Variants in DOK6 observed in about 807,000 individuals in gnomAD.
DOK6 encodes docking protein 6, also known as downstream of tyrosine kinase 6.
In DOK6, 22 loss-of-function variants were observed where a neutral mutation model predicts 44.0. That is an observed-to-expected ratio of 0.50 (90% CI 0.36 to 0.71). The LOEUF (loss-of-function observed/expected upper bound fraction) is 0.71, where lower values mean the gene tolerates loss of function less well. Ranked by LOEUF, DOK6 falls within the 30% of genes least tolerant of loss-of-function variation. The pLI is 0.00. For missense variants in DOK6, 340 were observed against 416.4 expected (o/e 0.82, Z 1.60); for synonymous variants, 166 against 145.5 (o/e 1.14, Z -1.01).
chr18:69,708,018 C>T (rs913814879), intron 5 of DOK6, among the ~76,000 whole-genome samples: 3 of 152,060 alleles, frequency 2.0e-5, no homozygotes, highest in Admixed American at 6.5e-5. Context: ...TCCTTCTTAG[C>T]GGATTTTAGC....
chr18:69,599,560 A>G (rs1983825806), intron 3 of DOK6, 62 bp downstream of exon 3: 7 of 1,327,328 alleles, frequency 5.3e-6, no homozygotes, highest in Non-Finnish European at 7.5e-6. Context: ...ACAATGGCCC[A>G]GGCGGATTAA....
At chr18:69,557,518 G>C (rs961190650) in intron 1 of DOK6, among the ~76,000 whole-genome samples, 1 of 152,130 alleles carries the variant, frequency 6.6e-6, no homozygotes, top group Non-Finnish European at 1.5e-5. Flanking sequence ...GCGGTAAAAT[G>C]GTTTTCATCA....
intron 4 of DOK6, among the ~76,000 whole-genome samples, chr18:69,680,776 A>G (rs1986026737): frequency 6.6e-6 from 1 of 152,176 alleles, no homozygotes; most frequent in Admixed American, 6.5e-5. Context: ...AAGATATCTC[A>G]TCCGTCAACT....
intron 3 of DOK6, among the ~76,000 whole-genome samples, chr18:69,648,710 G>A (rs374621954): frequency 3.3e-5 from 5 of 152,282 alleles, no homozygotes; most frequent in East Asian, 3.9e-4. Context: ...CTTTGGCTAC[G>A]TGCCAATGCA....
At chr18:69,488,649 C>T (rs929555019) in intron 1 of DOK6, among the ~76,000 whole-genome samples, 3 of 152,164 alleles carry the variant, frequency 2.0e-5, no homozygotes, top group Non-Finnish European at 4.4e-5. Flanking sequence ...TGCAGGGGAA[C>T]TGCCCTTTAT....
chr18:69,741,633 A>T (rs1385029095), intron 6 of DOK6, among the ~76,000 whole-genome samples: 1 of 152,114 alleles, frequency 6.6e-6, no homozygotes, highest in South Asian at 2.1e-4. Context: ...ACTAGCTGGT[A>T]CTACAGGCCT....
At chr18:69,667,099 A>T (rs1039753804) in intron 3 of DOK6, among the ~76,000 whole-genome samples, 1 of 152,086 alleles carries the variant, frequency 6.6e-6, no homozygotes, top group Non-Finnish European at 1.5e-5. Flanking sequence ...ATCTCTGTCC[A>T]TGTCAGCTAC....
At chr18:69,832,635 A>T (rs1981934208) in intron 7 of DOK6, 2 of 152,250 alleles carry the variant, frequency 1.3e-5, no homozygotes, top group Middle Eastern at 3.4e-3. Flanking sequence ...CAGTGATTCC[A>T]CTAGGTCCTG....
intron 7 of DOK6, among the ~76,000 whole-genome samples, chr18:69,830,605 C>G (rs1981874784): frequency 6.6e-6 from 1 of 152,116 alleles, no homozygotes; most frequent in African/African-American, 2.4e-5. Context: ...CTGAAGCTAC[C>G]CAGTCTGTGG....
At chr18:69,614,665 G>C (rs1461448680) in intron 3 of DOK6, among the ~76,000 whole-genome samples, 1 of 151,552 alleles carries the variant, frequency 6.6e-6, no homozygotes, top group African/African-American at 2.4e-5. Flanking sequence ...ACTGTAAATA[G>C]AAATTAATTT....
intron 1 of DOK6, among the ~76,000 whole-genome samples, chr18:69,441,298 G>A (rs12457284): frequency 0.5 from 75,373 of 151,772 alleles, 19,642 homozygotes; most frequent in East Asian, 0.72. Flanking sequence ...TTCAATAGTT[G>A]TTTGTTTCTT....
In DOK6 at chr18:69,512,323, T is replaced by TTTCTTC. The variant is rs1199481998; in HGVS notation, c.67-52158_67-52153dup. Among the ~76,000 whole-genome samples the TTTCTTC allele has an allele frequency of 5.4e-3, 694 of 128,560 alleles. 12 individuals are homozygous for TTTCTTC. Among genetic ancestry groups the TTTCTTC allele is most frequent in the African/African-American group, 0.019 (623 of 33,580 alleles). The allele number at this position is 128,560 out of a possible 152,430, so 84.3% of individuals were successfully genotyped here. On this transcript the variant is annotated intron_variant, in intron 1 of 7. Transcript: ENST00000382713. ...GTCAAGCCAACCCCTTCGTCTTTGCTTTCTTCTTCTTTTTTTTTTTTTTTT... is the reference window on the plus strand; with the variant it reads ...GTCAAGCCAACCCCTTCGTCTTTGCTTTCTTCTTCTTCTTCTTTTTTTTTTTTTTTT...
chr18:69,562,251 G>A (rs1040696048), intron 1 of DOK6, among the ~76,000 whole-genome samples: 1 of 152,030 alleles, frequency 6.6e-6, no homozygotes, highest in Non-Finnish European at 1.5e-5. Context: ...CAGAAATTAT[G>A]GTTTGTGTCA....
rs1197861562 is a variant in DOK6 at position 69,788,449 on chromosome 18, G to T, written c.856+30576G>T. ...CTTTGTAATGAGAAGAAATTAGAGG[G>T]TTCTGTTCCATTTTTATTATGCAGA... is the stretch of plus-strand genomic sequence containing the variant. On this transcript the variant is annotated intron_variant, in intron 7 of 7. Coordinates refer to ENST00000382713, the MANE Select transcript of DOK6 (RefSeq NM_152721.6). Among the ~76,000 whole-genome samples, 3 of 152,264 alleles carry T rather than the reference G, an allele frequency of 2.0e-5. No individual in the cohort carries two copies. The East Asian group carries it at 5.8e-4, about 29-fold the overall frequency.
chr18:69,728,559 G>C (rs1978323594), intron 5 of DOK6, among the ~76,000 whole-genome samples: 1 of 151,918 alleles, frequency 6.6e-6, no homozygotes, highest in Non-Finnish European at 1.5e-5. Flanking sequence ...GCAAATCAAA[G>C]TCCTTGGTAG....
At chr18:69,787,534 T>A (rs1318589236) in intron 7 of DOK6, among the ~76,000 whole-genome samples, 2 of 152,202 alleles carry the variant, frequency 1.3e-5, no homozygotes, top group Non-Finnish European at 2.9e-5. Context: ...GGTCACAGTC[T>A]TGTGCTGCCT....
At chr18:69,480,957 C>T (rs903694585) in intron 1 of DOK6, among the ~76,000 whole-genome samples, 2 of 152,150 alleles carry the variant, frequency 1.3e-5, no homozygotes, top group South Asian at 4.2e-4. Flanking sequence ...CCAGAGAAGC[C>T]CAATATATCT....
chr18:69,839,454 C>T (rs994073915), intron 7 of DOK6, among the ~76,000 whole-genome samples: 4 of 152,068 alleles, frequency 2.6e-5, no homozygotes, highest in African/African-American at 9.7e-5. Context: ...CCTCTCCTAG[C>T]TTCTTTGGTA....
intron 7 of DOK6, among the ~76,000 whole-genome samples, chr18:69,820,101 T>C (rs1162560341): frequency 2.0e-5 from 3 of 152,210 alleles, no homozygotes; most frequent in East Asian, 1.9e-4. Context: ...TTTGTGTATA[T>C]AGACATATAG....
Sources: allele counts gnomAD v4.1 joint callset (sites outside exome capture counted in the v4.1 genomes callset), GRCh38; gene constraint gnomAD v4.1.1; transcripts MANE v1.5; gene names NCBI Gene and HGNC (gene_info 2026-07-23, HGNC 2026-07-21).